Variants in HDAC9 observed in about 807,000 individuals in gnomAD.
HDAC9 encodes the protein histone deacetylase 9.
Under a neutral mutation model 139.4 loss-of-function variants are expected in HDAC9, and 41 were observed. That is an observed-to-expected ratio of 0.29 (90% CI 0.23 to 0.38). The LOEUF is 0.38. Ranked by LOEUF, HDAC9 falls within the 10% of genes least tolerant of loss-of-function variation. HDAC9 has a pLI of 1.00. For missense variants in HDAC9, 1,147 were observed against 1,297.0 expected (o/e 0.88, Z 1.78); for synonymous variants, 517 against 476.2 (o/e 1.09, Z -1.12).
At chr7:18,586,126 G>T (rs747910673) in intron 3 of HDAC9, among the ~76,000 whole-genome samples, 5 of 152,100 alleles carry the variant, frequency 3.3e-5, no homozygotes, top group Non-Finnish European at 7.4e-5. Flanking sequence ...GAAAGTATTT[G>T]GGAGTAGTTG....
At chr7:18,322,779 G>A (rs558990483) in intron 1 of HDAC9, among the ~76,000 whole-genome samples, 1 of 152,236 alleles carries the variant, frequency 6.6e-6, no homozygotes, top group South Asian at 2.1e-4. Context: ...CTGTAGGAGA[G>A]AGAAAAATAA....
At chr7:18,539,877 T>C (rs951183668) in intron 2 of HDAC9, among the ~76,000 whole-genome samples, 1 of 152,042 alleles carries the variant, frequency 6.6e-6, no homozygotes, top group Admixed American at 6.6e-5. Flanking sequence ...AATTTTACCA[T>C]ATGCCAATTT....
intron 2 of HDAC9, among the ~76,000 whole-genome samples, chr7:18,175,174 T>TC: frequency 6.6e-6 from 1 of 151,862 alleles, no homozygotes; most frequent in Non-Finnish European, 1.5e-5. Flanking sequence ...CGGACACCCC[T>TC]CCCCCCTGCC....
intron 2 of HDAC9, among the ~76,000 whole-genome samples, chr7:18,270,025 C>G (rs1310864175): frequency 6.6e-6 from 1 of 151,978 alleles, no homozygotes; most frequent in Admixed American, 6.6e-5. Context: ...CTGTTGTGTT[C>G]GTTATAGGAG....
chr7:18,802,253 A>T (rs916374860), intron 17 of HDAC9, among the ~76,000 whole-genome samples: 1 of 151,896 alleles, frequency 6.6e-6, no homozygotes, highest in Admixed American at 6.6e-5. Flanking sequence ...TATTTCCATT[A>T]TCTCCTTTTT....
intron 1 of HDAC9, among the ~76,000 whole-genome samples, chr7:18,116,194 T>C (rs1783970277): frequency 6.6e-6 from 1 of 152,198 alleles, no homozygotes; most frequent in African/African-American, 2.4e-5. Flanking sequence ...AACCATAATT[T>C]AGATTAGTTC....
chr7:18,461,916 A>T (rs1016862220), intron 1 of HDAC9, among the ~76,000 whole-genome samples: 1 of 152,172 alleles, frequency 6.6e-6, no homozygotes, highest in African/African-American at 2.4e-5. Context: ...TAGACAGCTG[A>T]CATAGATTAT....
intron 22 of HDAC9, among the ~76,000 whole-genome samples, chr7:18,905,370 CT>C (rs1342550727): frequency 1.3e-5 from 2 of 152,192 alleles, no homozygotes; most frequent in African/African-American, 4.8e-5. Flanking sequence ...AATGTTGTCC[CT>C]CAGAAGCTAG....
At chr7:18,636,594 A>T (rs957831399) in intron 8 of HDAC9, among the ~76,000 whole-genome samples, 6 of 152,104 alleles carry the variant, frequency 3.9e-5, no homozygotes, top group Admixed American at 1.3e-4. Context: ...ATTTTCAGCT[A>T]TTTAAAGAAT....
chr7:18,613,630 C>T (rs1307081830), intron 6 of HDAC9, among the ~76,000 whole-genome samples: 2 of 152,040 alleles, frequency 1.3e-5, no homozygotes, highest in Non-Finnish European at 2.9e-5. Flanking sequence ...TCTTGTCAAA[C>T]TGTGATATCA....
At position 18,801,974 on chromosome 7, in the gene HDAC9, G is replaced by A. The variant is rs554905932; in HGVS notation, c.2322+8522G>A. 3.3e-5 allele frequency among the ~76,000 whole-genome samples: 5 copies of A among 151,936 alleles called. No homozygotes were observed. In the East Asian group the frequency reaches 9.7e-4, roughly 29 times the overall value. On this transcript the variant is annotated intron_variant, in intron 17 of 25. Coordinates refer to ENST00000686413, the MANE Select transcript of HDAC9 (RefSeq NM_178425.4). ...CTCTTTTTCTTGATCAACTCTGTCAGAAGTTTGACAATTCTCTAATTCCTG... is the reference window on the plus strand; with the variant it reads ...CTCTTTTTCTTGATCAACTCTGTCAAAAGTTTGACAATTCTCTAATTCCTG...
chr7:18,699,392 G>T (rs1406822954), intron 12 of HDAC9, among the ~76,000 whole-genome samples: 1 of 151,570 alleles, frequency 6.6e-6, no homozygotes, highest in Non-Finnish European at 1.5e-5. Context: ...ACGTGTGTTT[G>T]TGTGTGTGTG....
chr7:18,622,884 C>G (rs1840615514), intron 6 of HDAC9, among the ~76,000 whole-genome samples: 1 of 151,762 alleles, frequency 6.6e-6, no homozygotes, highest in Admixed American at 6.6e-5. Context: ...TGGCTCACAT[C>G]TGTAATCCCA....
intron 2 of HDAC9, among the ~76,000 whole-genome samples, chr7:18,520,240 C>T (rs965280411): frequency 6.6e-6 from 1 of 152,026 alleles, no homozygotes; most frequent in African/African-American, 2.4e-5. Context: ...TTAAAGTAAT[C>T]ATGCTATATT....
chr7:18,731,756 G>C (rs1448406745), intron 13 of HDAC9, among the ~76,000 whole-genome samples: 1 of 152,086 alleles, frequency 6.6e-6, no homozygotes, highest in South Asian at 2.1e-4. Flanking sequence ...CTCCCTAGTA[G>C]CTGGGATTAC....
intron 1 of HDAC9, among the ~76,000 whole-genome samples, chr7:18,399,744 A>G (rs1196679294): frequency 2.0e-5 from 3 of 152,182 alleles, no homozygotes; most frequent in African/African-American, 4.8e-5. Context: ...AGAGCATGAT[A>G]GAGAAATATC....
intron 22 of HDAC9, 104 bp from the exon 23 acceptor site, chr7:18,935,705 A>T (rs1252666643): frequency 1.0e-6 from 1 of 996,268 alleles, no homozygotes; most frequent in East Asian, 2.4e-5. Context: ...GCACACAGAA[A>T]ATGCTTAGTA....
intron 22 of HDAC9, among the ~76,000 whole-genome samples, chr7:18,896,491 G>C (rs1347378218): frequency 1.3e-5 from 2 of 152,014 alleles, no homozygotes; most frequent in Non-Finnish European, 2.9e-5. Context: ...CAGTAGCTTA[G>C]GGTCTATGGA....
At chr7:18,440,515 A>T (rs1180310712) in intron 1 of HDAC9, among the ~76,000 whole-genome samples, 1 of 152,122 alleles carries the variant, frequency 6.6e-6, no homozygotes, top group African/African-American at 2.4e-5. Context: ...AATTAAATAG[A>T]CTAGAACTAA....
Sources: gnomAD v4.1 joint callset for allele counts (sites outside exome capture counted in the v4.1 genomes callset) on GRCh38, gnomAD v4.1.1 for gene constraint, MANE v1.5 for transcripts, NCBI Gene and HGNC (gene_info 2026-07-23, HGNC 2026-07-21) for gene names.